Variants in ASPH observed in about 807,000 individuals in gnomAD.
The protein encoded by ASPH is aspartate beta-hydroxylase, also known as aspartyl/asparaginyl beta-hydroxylase.
In ASPH, 100 loss-of-function variants were observed where a neutral mutation model predicts 118.4. The observed-to-expected ratio is 0.84, with a 90% CI of 0.72 to 1.00. The LOEUF is 1.00. Among genes scored for constraint, ASPH ranks in the 50% least tolerant of loss-of-function variants. ASPH has a pLI of 0.00. For missense variants in ASPH, 920 were observed against 919.5 expected (o/e 1.00, Z -0.01); for synonymous variants, 315 against 325.6 (o/e 0.97, Z 0.35).
chr8:61,590,554 G>C (rs62508860), intron 14 of ASPH, among the ~76,000 whole-genome samples: 1 of 36,288 alleles, frequency 2.8e-5, no homozygotes, highest in Non-Finnish European at 1.8e-4. Flanking sequence ...TTAACTCTGT[G>C]TGTGTGTGTG....
intron 14 of ASPH, among the ~76,000 whole-genome samples, chr8:61,601,356 C>T (rs1461585296): frequency 6.6e-6 from 1 of 151,110 alleles, no homozygotes; most frequent in Non-Finnish European, 1.5e-5. Flanking sequence ...GCCTGGCCAA[C>T]ATCGTGAAAC....
chr8:61,706,736 C>T lies in ASPH; in HGVS notation c.103+7533G>A, dbSNP rs1417671296. Among the ~76,000 whole-genome samples the T allele has an allele frequency of 2.6e-5, 4 of 152,322 alleles. No individual in the cohort carries two copies. The East Asian group carries it at 5.8e-4, about 22-fold the overall frequency. On this transcript the variant is annotated intron_variant, in intron 1 of 24. Transcript: ENST00000379454. ...TAGTGAAAAAGGCAGGGTAGAAGGA[C>T]ATGCCCTATCAGATATGTGGACTCA...
chr8:61,557,724 T>C (rs954944954), intron 18 of ASPH, among the ~76,000 whole-genome samples: 8 of 152,336 alleles, frequency 5.3e-5, no homozygotes, highest in African/African-American at 1.9e-4. Flanking sequence ...CCGAGAAACC[T>C]GTACTAAATG....
chr8:61,558,271 T>C (rs1828593339), intron 18 of ASPH, among the ~76,000 whole-genome samples: 1 of 152,048 alleles, frequency 6.6e-6, no homozygotes, highest in Non-Finnish European at 1.5e-5. Flanking sequence ...TAGGGATAAA[T>C]AGGAGTTCAC....
chr8:61,631,911 G>C (rs1855780353), intron 13 of ASPH: 1 of 154,800 alleles, frequency 6.5e-6, no homozygotes, highest in South Asian at 2.1e-4. Context: ...ACATGGAGTG[G>C]AGAGGGATGA....
chr8:61,516,869 G>C (rs1447460718), intron 24 of ASPH: 1 of 152,168 alleles, frequency 6.6e-6, no homozygotes, highest in Non-Finnish European at 1.5e-5. Flanking sequence ...AGGGAGAGGA[G>C]ATCTAACATT....
chr8:61,672,861 C>G (rs1823300152), intron 3 of ASPH, among the ~76,000 whole-genome samples: 1 of 152,280 alleles, frequency 6.6e-6, no homozygotes, highest in Admixed American at 6.5e-5. Flanking sequence ...AAAGATTCCA[C>G]AGCCAAATCA....
intron 21 of ASPH, among the ~76,000 whole-genome samples, chr8:61,539,322 C>T: frequency 6.6e-6 from 1 of 152,084 alleles, no homozygotes; most frequent in Admixed American, 6.6e-5. Flanking sequence ...TCAATTCTTT[C>T]CTCCTCAGAA....
At chr8:61,702,281 T>C (rs1589310691) in intron 1 of ASPH, among the ~76,000 whole-genome samples, 1 of 90,434 alleles carries the variant, frequency 1.1e-5, no homozygotes, top group Non-Finnish European at 2.3e-5. Context: ...TAGCTACTTC[T>C]TTTTTTTTTT....
chr8:61,650,300 A>C (rs1310660773), intron 5 of ASPH, among the ~76,000 whole-genome samples: 6 of 152,108 alleles, frequency 3.9e-5, no homozygotes, highest in Non-Finnish European at 7.4e-5. Flanking sequence ...CTGGCAAAAA[A>C]CAGTTTAAAC....
At chr8:61,565,857 C>T (rs759326056) in intron 17 of ASPH, among the ~76,000 whole-genome samples, 3 of 152,148 alleles carry the variant, frequency 2.0e-5, no homozygotes, top group Non-Finnish European at 4.4e-5. Flanking sequence ...TGCTCACTTA[C>T]GATTTTGAAA....
intron 1 of ASPH, chr8:61,684,453 C>T (rs1829594730): frequency 3.4e-6 from 1 of 298,270 alleles, no homozygotes; most frequent in African/African-American, 2.1e-5. Flanking sequence ...ATATTCCATC[C>T]AAGTTACTCA....
At chr8:61,606,684 T>A (rs971348419) in intron 14 of ASPH, 1 of 152,170 alleles carries the variant, frequency 6.6e-6, no homozygotes, top group Non-Finnish European at 1.5e-5. Context: ...AACGTACTGA[T>A]GAATCAAAGT....
chr8:61,660,809 CATAGTTACAATG>C, intron 3 of ASPH: 1 of 151,972 alleles, frequency 6.6e-6, no homozygotes, highest in Non-Finnish European at 1.5e-5. Flanking sequence ...TCCATAGAAA[CATAGTTACAATG>C]AGAGTTGCAG....
rs115412609 is a variant in ASPH at position 61,665,898 on chromosome 8, G to C, written c.323-12238C>G. Among the ~76,000 whole-genome samples, 777 of 152,176 alleles carry C rather than the reference G, an allele frequency of 5.1e-3. 9 individuals are homozygous for C. The highest frequency in any genetic ancestry group is 0.018 in the African/African-American group (738 of 41,542). On this transcript the variant is annotated intron_variant, in intron 3 of 24. Transcript: ENST00000379454. The stretch of plus-strand genomic sequence containing the variant: ...AATATTATAAAATTGAGGGCACCAC[G>C]AAGGCAGTGCTTTGCACAAAGTATT...
chr8:61,655,611 T>C (rs1813253421), intron 3 of ASPH, among the ~76,000 whole-genome samples: 1 of 152,226 alleles, frequency 6.6e-6, no homozygotes, highest in African/African-American at 2.4e-5. Flanking sequence ...GTCATAATGC[T>C]ACGTGTTCAA....
rs567859244 is a variant in ASPH, at chr8:61,508,387, C to T, written c.2127-4878G>A. 3.3e-5 allele frequency among the ~76,000 whole-genome samples: 5 copies of T among 152,168 alleles called. No individual in the cohort carries two copies. In the East Asian group the frequency reaches 5.8e-4, roughly 18 times the overall value. On this transcript the variant is annotated intron_variant, in intron 24 of 24. Transcript: ENST00000379454. Reference sequence around the variant, plus strand: ...GTTGTCAAAAGATATAAGAATATCTCGTCCTAAGATAAAACAGTATTCCAT... The same window carrying T: ...GTTGTCAAAAGATATAAGAATATCTTGTCCTAAGATAAAACAGTATTCCAT...
chr8:61,680,987 A>G lies in ASPH; in HGVS notation c.303T>C (p.Asp101=). The part of the protein sequence containing the change: ...DADGDGDFDV[D]DAKVLLGLKE... Reference sequence around the variant, plus strand: ...ACTTGCCTAATAAAACTTTGGCATCATCCACATCAAAATCTCCATCACCAT... The same window carrying G: ...ACTTGCCTAATAAAACTTTGGCATCGTCCACATCAAAATCTCCATCACCAT... The change falls in exon 3 of 25, where the codon GAT becomes GAC. Residue 101 remains aspartate (D), a synonymous_variant. Transcript: ENST00000379454. 6.2e-7 allele frequency: 1 copy of G among 1,605,714 alleles called. No individual in the cohort carries two copies. Among genetic ancestry groups the G allele is most frequent in the Non-Finnish European group, 8.5e-7 (1 of 1,175,546 alleles).
At chr8:61,649,099 A>T (rs962672671) in intron 5 of ASPH, among the ~76,000 whole-genome samples, 1 of 152,190 alleles carries the variant, frequency 6.6e-6, no homozygotes, top group Non-Finnish European at 1.5e-5. Context: ...ATAGAGGAGC[A>T]AGTATGGAAA....
Sources: allele counts gnomAD v4.1 joint callset (sites outside exome capture counted in the v4.1 genomes callset), GRCh38; gene constraint gnomAD v4.1.1; transcripts MANE v1.5; gene names NCBI Gene and HGNC (gene_info 2026-07-23, HGNC 2026-07-21).